Variants in TNKS observed in about 807,000 individuals in gnomAD.
The protein encoded by TNKS is poly [ADP-ribose] polymerase tankyrase-1.
In TNKS, 72 loss-of-function variants were observed where a neutral mutation model predicts 135.8. That is an observed-to-expected ratio of 0.53 (90% CI 0.44 to 0.64). The LOEUF (loss-of-function observed/expected upper bound fraction) is 0.64. Among genes scored for constraint, TNKS ranks in the 30% least tolerant of loss-of-function variants. TNKS has a pLI of 0.00. For missense variants in TNKS, 1,769 were observed against 1,674.0 expected, an observed-to-expected ratio of 1.06 and a Z score of -0.99; for synonymous variants, 849 against 649.3, an observed-to-expected ratio of 1.31 and a Z score of -4.68.
At chr8:9,748,313 CT>C in intron 18 of TNKS, 101 bp downstream of exon 18, 1 of 1,080,202 alleles carries the variant, frequency 9.3e-7, no homozygotes, top group Non-Finnish European at 1.2e-6. Context: ...GTTTATTTCA[CT>C]TAGAACAGAG....
chr8:9,748,682 C>A (rs60857446), intron 18 of TNKS, among the ~76,000 whole-genome samples: 11,330 of 152,238 alleles, frequency 0.074, 477 homozygotes, highest in South Asian at 0.16. Flanking sequence ...ACTGTATAGT[C>A]ACAGTAATTT....
intron 2 of TNKS, among the ~76,000 whole-genome samples, chr8:9,604,281 C>G (rs769325071): frequency 1.7e-4 from 26 of 152,004 alleles, no homozygotes; most frequent in Non-Finnish European, 3.7e-4. Flanking sequence ...ACTGTATGTA[C>G]AAAACCTTTG....
At chr8:9,773,312 A>G (rs959558571) in intron 26 of TNKS, among the ~76,000 whole-genome samples, 1 of 152,188 alleles carries the variant, frequency 6.6e-6, no homozygotes, top group East Asian at 1.9e-4. Flanking sequence ...CATATGTCTG[A>G]TATTTTTTAA....
intron 5 of TNKS, among the ~76,000 whole-genome samples, chr8:9,691,928 C>A (rs554868295): frequency 6.6e-6 from 1 of 152,116 alleles, no homozygotes; most frequent in Non-Finnish European, 1.5e-5. Flanking sequence ...TATAGAGAGC[C>A]ACACTCCAGC....
At chr8:9,720,654 T>G (rs770527103) in intron 12 of TNKS, 109 bp downstream of exon 12, 9 of 1,286,400 alleles carry the variant, frequency 7.0e-6, no homozygotes, top group Non-Finnish European at 9.4e-6. Context: ...TTCTCATGTC[T>G]TTTCTTGCAA....
chr8:9,749,591 C>T (rs1806412319), intron 18 of TNKS, among the ~76,000 whole-genome samples: 1 of 151,844 alleles, frequency 6.6e-6, no homozygotes, highest in African/African-American at 2.4e-5. Context: ...CCTCGTATCT[C>T]AATCTCCTGA....
At chr8:9,611,462 T>TAAAA in intron 2 of TNKS, among the ~76,000 whole-genome samples, 1 of 152,384 alleles carries the variant, frequency 6.6e-6, no homozygotes, top group East Asian at 1.9e-4. Context: ...TGGTACTTTT[T>TAAAA]CAGAAAAATC....
chr8:9,645,329 T>C (rs1800881652), intron 3 of TNKS, among the ~76,000 whole-genome samples: 1 of 152,114 alleles, frequency 6.6e-6, no homozygotes, highest in African/African-American at 2.4e-5. Context: ...ATGGTGTGAA[T>C]TCACCACAGT....
At chr8:9,653,501 C>T (rs905951875) in intron 3 of TNKS, among the ~76,000 whole-genome samples, 14 of 151,836 alleles carry the variant, frequency 9.2e-5, no homozygotes, top group African/African-American at 2.9e-4. Flanking sequence ...CGTACTGGGT[C>T]TTAACCCAGC....
At chr8:9,652,149 C>G (rs947784087) in intron 3 of TNKS, among the ~76,000 whole-genome samples, 2 of 152,162 alleles carry the variant, frequency 1.3e-5, no homozygotes, top group Admixed American at 1.3e-4. Context: ...GTCAATAGGT[C>G]ACCAGCTAGA....
intron 5 of TNKS, among the ~76,000 whole-genome samples, chr8:9,692,809 T>A (rs946255095): frequency 6.6e-6 from 1 of 152,244 alleles, no homozygotes; most frequent in South Asian, 2.1e-4. Context: ...GTTAAGTAAC[T>A]TCAATGAGAG....
At chr8:9,733,128 C>A in intron 14 of TNKS, 151 bp from the exon 15 acceptor site, 1 of 551,160 alleles carries the variant, frequency 1.8e-6, no homozygotes, top group Non-Finnish European at 2.9e-6. Context: ...AAATGGATAA[C>A]TATATCTTAA....
At chr8:9,662,492 A>T (rs1476103980) in intron 3 of TNKS, among the ~76,000 whole-genome samples, 1 of 152,194 alleles carries the variant, frequency 6.6e-6, no homozygotes. Context: ...AACTATCGCA[A>T]GGACAAAAAA....
intron 3 of TNKS, among the ~76,000 whole-genome samples, chr8:9,653,965 C>T (rs1451665824): frequency 6.6e-6 from 1 of 152,186 alleles, no homozygotes; most frequent in South Asian, 2.1e-4. Context: ...TTTTTGTTTC[C>T]TTAGGCTCTT....
In TNKS at chr8:9,571,978, C is replaced by T. The variant is rs185022205; in HGVS notation, c.674-8181C>T. 5.3e-5 allele frequency among the ~76,000 whole-genome samples: 8 copies of T among 152,180 alleles called. No homozygotes were observed. In the East Asian group the frequency reaches 1.5e-3, roughly 29 times the overall value. On this transcript the variant is annotated intron_variant, in intron 1 of 26. Transcript: ENST00000310430. ...CACTTTATTAGGGAAGGTCTCTATC[C>T]CAGACTTGGTTAAGTTTTCTTTGTA...
chr8:9,588,527 C>G (rs924492274), intron 2 of TNKS, among the ~76,000 whole-genome samples: 1 of 152,162 alleles, frequency 6.6e-6, no homozygotes, highest in Non-Finnish European at 1.5e-5. Flanking sequence ...CCGCCCACCT[C>G]GGCGTTCCAA....
chr8:9,746,933 G>T (rs953515772), intron 17 of TNKS, among the ~76,000 whole-genome samples: 26 of 133,250 alleles, frequency 2.0e-4, no homozygotes, highest in African/African-American at 7.8e-4. Flanking sequence ...ACCAGGCTGC[G>T]GTGCGGTGGT....
chr8:9,593,234 C>G (rs776536458), intron 2 of TNKS, among the ~76,000 whole-genome samples: 1 of 152,162 alleles, frequency 6.6e-6, no homozygotes, highest in African/African-American at 2.4e-5. Flanking sequence ...CTTAGCCAAG[C>G]AGTGTCACTA....
At chr8:9,608,342 A>G (rs915366915) in intron 2 of TNKS, among the ~76,000 whole-genome samples, 5 of 152,024 alleles carry the variant, frequency 3.3e-5, no homozygotes, top group African/African-American at 1.2e-4. Flanking sequence ...AATAGTTTTG[A>G]CTTTGTAGAT....
Sources: gnomAD v4.1 joint callset for allele counts (sites outside exome capture counted in the v4.1 genomes callset) on GRCh38, gnomAD v4.1.1 for gene constraint, MANE v1.5 for transcripts, NCBI Gene and HGNC (gene_info 2026-07-23, HGNC 2026-07-21) for gene names.